LSAMP: variants seen among roughly 807,000 people sequenced by gnomAD.
LSAMP encodes limbic system-associated membrane protein.
In LSAMP, 7 loss-of-function variants were observed where a neutral mutation model predicts 38.6. The observed-to-expected ratio is 0.18, with a 90% CI of 0.10 to 0.34. The LOEUF (loss-of-function observed/expected upper bound fraction) is 0.34. Among genes scored for constraint, LSAMP ranks in the 10% least tolerant of loss-of-function variants. The pLI is 1.00. For synonymous variants in LSAMP, 154 were observed against 166.8 expected (o/e 0.92, Z 0.59); for missense variants, 313 against 420.0 (o/e 0.75, Z 2.23).
chr3:115,815,541 C>T (rs749075987), intron 6 of LSAMP, among the ~76,000 whole-genome samples: 3 of 152,178 alleles, frequency 2.0e-5, no homozygotes, highest in Non-Finnish European at 2.9e-5. Flanking sequence ...GTTTCATCAA[C>T]ACAGCAGCAA....
At chr3:116,210,000 C>T (rs1321670918) in intron 1 of LSAMP, among the ~76,000 whole-genome samples, 1 of 152,124 alleles carries the variant, frequency 6.6e-6, no homozygotes, top group African/African-American at 2.4e-5. Flanking sequence ...GTGATCCGCC[C>T]ACCTCGGCCT....
At chr3:116,026,117 A>G (rs1249391241) in intron 2 of LSAMP, among the ~76,000 whole-genome samples, 1 of 152,096 alleles carries the variant, frequency 6.6e-6, no homozygotes, top group Non-Finnish European at 1.5e-5. Context: ...TAAAAATTTA[A>G]TGGTGATTTC....
At chr3:115,853,733 T>G (rs905914009) in intron 3 of LSAMP, among the ~76,000 whole-genome samples, 1 of 152,082 alleles carries the variant, frequency 6.6e-6, no homozygotes, top group Non-Finnish European at 1.5e-5. Flanking sequence ...GGACTTCAAC[T>G]CTAGCTAAAC....
chr3:115,977,610 T>C (rs998798226), intron 3 of LSAMP, among the ~76,000 whole-genome samples: 11 of 152,066 alleles, frequency 7.2e-5, no homozygotes, highest in Middle Eastern at 3.4e-3. Flanking sequence ...TTCTTGCAAG[T>C]CCAATCTAAA....
At chr3:115,900,512 CAAAAAAA>C (rs5851983) in intron 3 of LSAMP, among the ~76,000 whole-genome samples, 6 of 74,366 alleles carry the variant, frequency 8.1e-5, no homozygotes, top group Non-Finnish European at 8.3e-5. Context: ...TGAGACTGTC[CAAAAAAA>C]AAAAAAAAAA....
intron 2 of LSAMP, among the ~76,000 whole-genome samples, chr3:116,026,227 C>T (rs1256181034): frequency 2.6e-5 from 4 of 152,144 alleles, no homozygotes; most frequent in African/African-American, 9.7e-5. Flanking sequence ...CAGTCTGGCT[C>T]TGCCACCTGT....
At chr3:116,102,080 A>AT (rs1234382698) in intron 1 of LSAMP, among the ~76,000 whole-genome samples, 3 of 152,180 alleles carry the variant, frequency 2.0e-5, no homozygotes, top group South Asian at 4.1e-4. Flanking sequence ...ATTAGCAATT[A>AT]TTTTTTCCTG....
chr3:115,963,335 T>C (rs942470296), intron 3 of LSAMP, among the ~76,000 whole-genome samples: 4 of 152,258 alleles, frequency 2.6e-5, no homozygotes, highest in African/African-American at 9.6e-5. Context: ...CCTTTGAGAA[T>C]TGCCTTCACA....
In LSAMP at chr3:116,126,891, C is replaced by T. The variant is rs536451694; in HGVS notation, c.156-40335G>A. Among the ~76,000 whole-genome samples, 4 of 152,196 alleles carry T rather than the reference C, an allele frequency of 2.6e-5. No individual in the cohort carries two copies. The South Asian group carries it at 8.3e-4, about 32-fold the overall frequency. On this transcript the variant is annotated intron_variant, in intron 1 of 6. Coordinates refer to ENST00000490035, the MANE Select transcript of LSAMP (RefSeq NM_002338.5). ...CAAAAACAAAAACAAAAGAATCCAG[C>T]TAGGGAGATGAGGAAATTATGTTAA...
intron 1 of LSAMP, among the ~76,000 whole-genome samples, chr3:116,318,567 T>A (rs1055097109): frequency 6.6e-6 from 1 of 152,178 alleles, no homozygotes; most frequent in African/African-American, 2.4e-5. Context: ...GTTTCTATTA[T>A]CCCATGGTTA....
At chr3:115,867,357 C>A (rs2107379876) in intron 3 of LSAMP, among the ~76,000 whole-genome samples, 1 of 152,178 alleles carries the variant, frequency 6.6e-6, no homozygotes, top group South Asian at 2.1e-4. Flanking sequence ...AATAGCTCAA[C>A]ATATCATATA....
intron 3 of LSAMP, among the ~76,000 whole-genome samples, chr3:115,990,934 A>C (rs1939648779): frequency 6.6e-6 from 1 of 152,078 alleles, no homozygotes; most frequent in South Asian, 2.1e-4. Flanking sequence ...TTTTGATATA[A>C]GTAGCCCTGA....
In LSAMP at chr3:116,209,060, G is replaced by T. The variant is rs183771653; in HGVS notation, c.156-122504C>A. ...TGCTAGCAATCAGCGAGACTCCTTG[G>T]GGGTAGGACCCTCTGAGCCAGGTGC... On this transcript the variant is annotated intron_variant, in intron 1 of 6. Transcript: ENST00000490035. Among the ~76,000 whole-genome samples, 530 of 152,310 alleles carry T rather than the reference G, an allele frequency of 3.5e-3. 3 individuals carry two copies. The highest frequency in any genetic ancestry group is 0.012 in the African/African-American group (494 of 41,564).
At chr3:115,878,589 G>A (rs1208695236) in intron 3 of LSAMP, among the ~76,000 whole-genome samples, 5 of 148,736 alleles carry the variant, frequency 3.4e-5, no homozygotes, top group Non-Finnish European at 4.4e-5. Flanking sequence ...AGCCTCCAGA[G>A]TAGCTGGAAC....
chr3:116,173,840 T>C (rs1365149219), intron 1 of LSAMP, among the ~76,000 whole-genome samples: 1 of 151,436 alleles, frequency 6.6e-6, no homozygotes, highest in Non-Finnish European at 1.5e-5. Flanking sequence ...GCCTTCTTCC[T>C]CTTCTTCCAT....
intron 1 of LSAMP, among the ~76,000 whole-genome samples, chr3:116,337,700 A>T (rs2107749027): frequency 6.6e-6 from 1 of 152,082 alleles, no homozygotes; most frequent in South Asian, 2.1e-4. Context: ...TCAAGGACAG[A>T]GAAAAGGTAG....
intron 1 of LSAMP, among the ~76,000 whole-genome samples, chr3:116,225,807 C>T (rs1008318798): frequency 2.6e-5 from 4 of 151,016 alleles, no homozygotes; most frequent in East Asian, 1.9e-4. Flanking sequence ...AAAAAGTGTT[C>T]CCCTAAGCAC....
chr3:116,172,152 T>A (rs185276513), intron 1 of LSAMP, among the ~76,000 whole-genome samples: 1 of 152,078 alleles, frequency 6.6e-6, no homozygotes, highest in East Asian at 1.9e-4. Flanking sequence ...TTCTAGATCA[T>A]GTCAGGTACT....
At chr3:115,872,716 A>C (rs1936077857) in intron 3 of LSAMP, among the ~76,000 whole-genome samples, 1 of 152,116 alleles carries the variant, frequency 6.6e-6, no homozygotes, top group Non-Finnish European at 1.5e-5. Context: ...ATATTATTTA[A>C]CCATTTTGAA....
Sources: gnomAD v4.1 joint callset for allele counts (sites outside exome capture counted in the v4.1 genomes callset) on GRCh38, gnomAD v4.1.1 for gene constraint, MANE v1.5 for transcripts, NCBI Gene and HGNC (gene_info 2026-07-23, HGNC 2026-07-21) for gene names.